The following RARB variants were observed in gnomAD, a reference collection of about 807,000 sequenced individuals.
RARB encodes HBV-activated protein.
In RARB, 17 loss-of-function variants were observed where a neutral mutation model predicts 51.9. The observed-to-expected ratio is 0.33, with a 90% confidence interval of 0.22 to 0.49. The LOEUF is 0.49. Among genes scored for constraint, RARB ranks in the 20% least tolerant of loss-of-function variants. The pLI, the probability that RARB is intolerant of heterozygous loss-of-function variation, is 0.99. For synonymous variants in RARB, 215 were observed against 195.4 expected (o/e 1.10, Z -0.84); for missense variants, 369 against 550.8 (o/e 0.67, Z 3.30).
chr3:25,541,186 T>G (rs1340445149), intron 3 of RARB, among the ~76,000 whole-genome samples: 1 of 152,246 alleles, frequency 6.6e-6, no homozygotes. Flanking sequence ...ATCATTTTGC[T>G]GACCCTTGCT....
At chr3:25,370,185 G>C (rs1234137612) in intron 5 of RARB, among the ~76,000 whole-genome samples, 2 of 152,112 alleles carry the variant, frequency 1.3e-5, no homozygotes, top group Non-Finnish European at 2.9e-5. Context: ...GATTTACAAG[G>C]AAAGCAGGAT....
intron 3 of RARB, among the ~76,000 whole-genome samples, chr3:25,104,697 G>A (rs937029842): frequency 6.6e-6 from 1 of 152,036 alleles, no homozygotes; most frequent in African/African-American, 2.4e-5. Flanking sequence ...ATCCCAAACT[G>A]GAAAATATCC....
chr3:24,844,666 G>A (rs866245494), intron 1 of RARB, among the ~76,000 whole-genome samples: 2 of 152,256 alleles, frequency 1.3e-5, no homozygotes, highest in African/African-American at 4.8e-5. Flanking sequence ...AATCAAATAT[G>A]GCACTTCTTC....
intron 5 of RARB, among the ~76,000 whole-genome samples, chr3:25,392,103 G>A (rs4681057): frequency 0.18 from 27,321 of 152,038 alleles, 2,681 homozygotes; most frequent in Admixed American, 0.31. Flanking sequence ...TCATTCTTCT[G>A]CATGTGGCTT....
intron 5 of RARB, among the ~76,000 whole-genome samples, chr3:25,382,638 C>A (rs1384039821): frequency 6.6e-6 from 1 of 152,108 alleles, no homozygotes; most frequent in African/African-American, 2.4e-5. Context: ...GGCGGATCAC[C>A]TGAGGTCAGG....
rs1696886723 is a variant in RARB, at chr3:24,990,463, A to G, written c.-379-69662A>G. Reference sequence around the variant, plus strand: ...AAATCCTGCCTAATCTAACATAAATATACTTAGATATACTCTAGTAAAGTT... The same window carrying G: ...AAATCCTGCCTAATCTAACATAAATGTACTTAGATATACTCTAGTAAAGTT... On this transcript the variant is annotated intron_variant, in intron 2 of 11. Transcript: ENST00000383772. 3.9e-5 allele frequency among the ~76,000 whole-genome samples: 4 copies of G among 103,032 alleles called. 2 individuals are homozygous for G. The Admixed American group carries it at 5.0e-4, about 13-fold the overall frequency. The allele number at this position is 103,032 out of a possible 152,430, so 67.6% of individuals were successfully genotyped here.
intron 2 of RARB, among the ~76,000 whole-genome samples, chr3:24,888,929 C>T (rs1703318547): frequency 6.6e-6 from 1 of 152,150 alleles, no homozygotes; most frequent in African/African-American, 2.4e-5. Flanking sequence ...AACTGACAGT[C>T]CTGGATCTTA....
intron 4 of RARB, among the ~76,000 whole-genome samples, chr3:25,146,448 A>G (rs945015710): frequency 1.3e-5 from 2 of 151,968 alleles, no homozygotes; most frequent in Admixed American, 6.6e-5. Context: ...ATTTGCAAAA[A>G]CACACAGGCT....
intron 2 of RARB, among the ~76,000 whole-genome samples, chr3:24,994,771 C>A (rs1696987502): frequency 6.6e-6 from 1 of 151,980 alleles, no homozygotes; most frequent in African/African-American, 2.4e-5. Context: ...ATTGTATGTT[C>A]TTTGTGTCCT....
At chr3:25,252,417 G>A (rs1221985713) in intron 5 of RARB, among the ~76,000 whole-genome samples, 2 of 152,124 alleles carry the variant, frequency 1.3e-5, no homozygotes, top group Admixed American at 6.6e-5. Context: ...GGGTTGTATT[G>A]AATCTGTAGA....
chr3:25,205,705 T>G lies in RARB; in HGVS notation c.178+31130T>G, dbSNP rs149276344. 7.4e-4 allele frequency among the ~76,000 whole-genome samples: 113 copies of G among 152,316 alleles called. 1 individual carries two copies. The highest frequency in any genetic ancestry group is 2.6e-3 in the African/African-American group (110 of 41,580). On this transcript the variant is annotated intron_variant, in intron 5 of 11. Coordinates refer to the RARB transcript ENST00000383772. Reference sequence around the variant, plus strand: ...GCCTCATAAATATGTGCATCTATTATGTACCCATAAAAATAAAAAATAAAA... The same window carrying G: ...GCCTCATAAATATGTGCATCTATTAGGTACCCATAAAAATAAAAAATAAAA...
At chr3:25,303,212 C>A (rs1332192591) in intron 5 of RARB, among the ~76,000 whole-genome samples, 1 of 152,118 alleles carries the variant, frequency 6.6e-6, no homozygotes, top group Non-Finnish European at 1.5e-5. Context: ...TTATTGTCTC[C>A]ATTCGCAGGT....
At chr3:25,323,279 C>A (rs1247006140) in intron 5 of RARB, among the ~76,000 whole-genome samples, 2 of 152,146 alleles carry the variant, frequency 1.3e-5, no homozygotes, top group Non-Finnish European at 2.9e-5. Context: ...GGGAAATAGA[C>A]CCAAGGTGGG....
At chr3:25,295,634 A>G (rs1703897874) in intron 5 of RARB, among the ~76,000 whole-genome samples, 1 of 152,216 alleles carries the variant, frequency 6.6e-6, no homozygotes, top group African/African-American at 2.4e-5. Context: ...TTTGCCTAAT[A>G]TGTAGGGCTG....
At position 25,463,840 on chromosome 3, in the gene RARB, G is replaced by T. The variant is rs79954599; in HGVS notation, c.306+2499G>T. Among the ~76,000 whole-genome samples, 51 of 152,246 alleles carry T rather than the reference G, an allele frequency of 3.3e-4. 1 individual carries two copies. The East Asian group carries it at 9.1e-3, about 27-fold the overall frequency. Reference sequence around the variant, plus strand: ...GCTTAGGAACATCTCTCTGCCTCTGGAATTGTGCTATTTTATGGCAATTCT... The same window carrying T: ...GCTTAGGAACATCTCTCTGCCTCTGTAATTGTGCTATTTTATGGCAATTCT... On this transcript the variant is annotated intron_variant, in intron 2 of 7. Coordinates refer to ENST00000330688, the MANE Select transcript of RARB (RefSeq NM_000965.5).
intron 5 of RARB, among the ~76,000 whole-genome samples, chr3:25,341,684 G>A (rs548978084): frequency 7.9e-5 from 12 of 152,120 alleles, no homozygotes; most frequent in African/African-American, 2.9e-4. Context: ...ACTACTTTTG[G>A]TTGTCACAAC....
chr3:25,059,219 G>A (rs1353441992), intron 2 of RARB, among the ~76,000 whole-genome samples: 1 of 151,588 alleles, frequency 6.6e-6, no homozygotes, highest in Admixed American at 6.6e-5. Flanking sequence ...GTTAACCTAA[G>A]CCACTATTTA....
intron 5 of RARB, among the ~76,000 whole-genome samples, chr3:25,284,131 T>C (rs1191174693): frequency 1.3e-5 from 2 of 152,134 alleles, no homozygotes; most frequent in African/African-American, 4.8e-5. Context: ...TGGAAATGAG[T>C]TTGGCCTTTG....
At chr3:25,242,114 A>G (rs1702446757) in intron 5 of RARB, among the ~76,000 whole-genome samples, 2 of 152,136 alleles carry the variant, frequency 1.3e-5, no homozygotes, top group South Asian at 4.1e-4. Context: ...TCTTCTTTTC[A>G]AAAGCATCTG....
Sources: allele counts gnomAD v4.1 joint callset (sites outside exome capture counted in the v4.1 genomes callset), GRCh38; gene constraint gnomAD v4.1.1; transcripts MANE v1.5; gene names NCBI Gene and HGNC (gene_info 2026-07-23, HGNC 2026-07-21).